DNAJC6: variants seen among roughly 807,000 people sequenced by gnomAD.
DNAJC6 encodes the protein DnaJ heat shock protein family (Hsp40) member C6, also known as auxilin.
A neutral mutation model predicts 110.0 loss-of-function variants in DNAJC6; 34 were observed. The ratio of observed to expected loss-of-function variants is 0.31; its 90% CI spans 0.24 to 0.41. The LOEUF is 0.41. Among genes scored for constraint, DNAJC6 ranks in the 10% least tolerant of loss-of-function variants. The pLI is 1.00. For synonymous variants in DNAJC6, 406 were observed against 437.2 expected (o/e 0.93, Z 0.89); for missense variants, 1,031 against 1,207.8 (o/e 0.85, Z 2.17).
At chr1:65,366,350 A>G (rs1557544420) in intron 4 of DNAJC6, among the ~76,000 whole-genome samples, 154 bp downstream of exon 4, 2 of 152,220 alleles carry the variant, frequency 1.3e-5, no homozygotes, top group Non-Finnish European at 2.9e-5. Context: ...TTAGGCTGCT[A>G]TGAGATATCC....
At chr1:65,323,595 GTTTTC>G (rs994082597) in intron 1 of DNAJC6, among the ~76,000 whole-genome samples, 4 of 152,082 alleles carry the variant, frequency 2.6e-5, no homozygotes, top group African/African-American at 9.6e-5. Flanking sequence ...TCCTTCCTTT[GTTTTC>G]TTTTCTTTTT....
intron 15 of DNAJC6, 100 bp from the exon 16 acceptor site, chr1:65,405,770 A>G (rs1029330901): frequency 5.1e-6 from 7 of 1,361,646 alleles, no homozygotes; most frequent in Non-Finnish European, 7.0e-6. Context: ...CTGTCAGTCA[A>G]GGGAATGACT....
At chr1:65,268,113 A>G (rs897876808) in intron 1 of DNAJC6, among the ~76,000 whole-genome samples, 3 of 152,352 alleles carry the variant, frequency 2.0e-5, no homozygotes, top group African/African-American at 4.8e-5. Flanking sequence ...AGGTAAAATT[A>G]TAAGAGGTTG....
At position 65,295,404 on chromosome 1, in the gene DNAJC6, G is replaced by T. The variant is rs113656463; in HGVS notation, c.-131+30472G>T. Among the ~76,000 whole-genome samples, 583 of 152,188 alleles carry T rather than the reference G, an allele frequency of 3.8e-3. 1 individual carries two copies. Among genetic ancestry groups the T allele is most frequent in the African/African-American group, 0.013 (553 of 41,500 alleles). On this transcript the variant is annotated intron_variant, in intron 1 of 19. Transcript: ENST00000263441. Reference sequence around the variant, plus strand: ...TCTAGGGAAGGATAGACTCAGACTTGCTCTTTCTGGTTTTAAATGGAAAAG... The same window carrying T: ...TCTAGGGAAGGATAGACTCAGACTTTCTCTTTCTGGTTTTAAATGGAAAAG...
In DNAJC6 at chr1:65,384,098, C is replaced by T. The variant is rs1232732153; in HGVS notation, c.667-95C>T. On this transcript the variant is annotated intron_variant, in intron 5 of 18. Coordinates refer to ENST00000371069, the MANE Select transcript of DNAJC6 (RefSeq NM_001256864.2). ...GCACCCACAGTTAAGAGGATTTCTC[C>T]TCTCTCTGTCTCTTAATTGCAAATT... 2.6e-5 allele frequency: 34 copies of T among 1,309,982 alleles called. 1 individual carries two copies. The highest frequency in any genetic ancestry group is 3.4e-5 in the Non-Finnish European group (34 of 1,012,910). 81.1% of individuals were successfully genotyped at this position (1,309,982 alleles called of 1,614,324 possible).
intron 1 of DNAJC6, among the ~76,000 whole-genome samples, chr1:65,287,072 A>G (rs1457165399): frequency 2.0e-5 from 3 of 152,236 alleles, no homozygotes; most frequent in African/African-American, 4.8e-5. Flanking sequence ...ACTGACCCAT[A>G]TGAAAATGCC....
chr1:65,313,445 A>G (rs1005022107), intron 1 of DNAJC6, among the ~76,000 whole-genome samples: 12 of 152,194 alleles, frequency 7.9e-5, no homozygotes, highest in African/African-American at 2.4e-4. Flanking sequence ...ATATAAAAAT[A>G]CATTTGCAGT....
intron 1 of DNAJC6, among the ~76,000 whole-genome samples, chr1:65,315,855 A>T (rs1489380014): frequency 1.3e-5 from 2 of 152,172 alleles, no homozygotes; most frequent in African/African-American, 4.8e-5. Context: ...TTTAGTGGTG[A>T]ATTTTTTTAT....
intron 4 of DNAJC6, among the ~76,000 whole-genome samples, chr1:65,373,417 C>T (rs550234110): frequency 6.6e-6 from 1 of 152,234 alleles, no homozygotes; most frequent in South Asian, 2.1e-4. Flanking sequence ...TAAGAGTTCC[C>T]TTTTCTCACA....
chr1:65,338,483 G>A (rs1645358793), intron 1 of DNAJC6, among the ~76,000 whole-genome samples: 1 of 152,042 alleles, frequency 6.6e-6, no homozygotes, highest in African/African-American at 2.4e-5. Flanking sequence ...ACTAAGCTGG[G>A]TTGGTTTGGC....
At chr1:65,341,403 G>A (rs1208672670) in intron 1 of DNAJC6, among the ~76,000 whole-genome samples, 1 of 152,126 alleles carries the variant, frequency 6.6e-6, no homozygotes, top group Non-Finnish European at 1.5e-5. Context: ...ATGGTTATTA[G>A]TGCCTGTCTT....
intron 1 of DNAJC6, among the ~76,000 whole-genome samples, chr1:65,267,352 G>C (rs1332137615): frequency 6.6e-6 from 1 of 152,182 alleles, no homozygotes; most frequent in Non-Finnish European, 1.5e-5. Flanking sequence ...AAAATGGAGA[G>C]CTATTAGACT....
In DNAJC6 at chr1:65,318,590, A is replaced by G. The variant is rs529274080; in HGVS notation, c.193+8652A>G. ...AGCTGGAAGCTGTTATCCTCAGCAAACTAATGCAGGAACAGAAAACCAAAC... is the reference window on the plus strand; with the variant it reads ...AGCTGGAAGCTGTTATCCTCAGCAAGCTAATGCAGGAACAGAAAACCAAAC... On this transcript the variant is annotated intron_variant, in intron 1 of 18. Transcript: ENST00000371069. 6.2e-4 allele frequency among the ~76,000 whole-genome samples: 95 copies of G among 152,334 alleles called. 1 individual carries two copies. The highest frequency in any genetic ancestry group is 3.4e-3 in the Middle Eastern group (1 of 294).
At chr1:65,374,021 C>T (rs1645735152) in intron 4 of DNAJC6, among the ~76,000 whole-genome samples, 1 of 152,132 alleles carries the variant, frequency 6.6e-6, no homozygotes, top group African/African-American at 2.4e-5. Context: ...TTTCCCAGCA[C>T]CATCTATGGA....
Position 65,366,061 on chromosome 1 carries a change from T to A in DNAJC6, c.408T>A (p.Pro136=). 6.2e-7 allele frequency: 1 copy of A among 1,613,868 alleles called. No homozygotes were observed. Among genetic ancestry groups the A allele is most frequent in the Non-Finnish European group, 8.5e-7 (1 of 1,179,800 alleles). Residue 136 remains proline, a synonymous_variant, in exon 4 of 19, where the codon CCT becomes CCA. Coordinates refer to ENST00000371069, the MANE Select transcript of DNAJC6 (RefSeq NM_001256864.2). ...TCTCTCTCCTAGTGATGTCCTTTCCTCTGGACAATGTTGACATAGGATTCA... is the reference window on the plus strand; with the variant it reads ...TCTCTCTCCTAGTGATGTCCTTTCCACTGGACAATGTTGACATAGGATTCA... ...VTSRIIVMSF[P]LDNVDIGFRN...
intron 1 of DNAJC6, among the ~76,000 whole-genome samples, chr1:65,336,031 A>C (rs1645332664): frequency 6.6e-6 from 1 of 152,162 alleles, no homozygotes; most frequent in Admixed American, 6.5e-5. Flanking sequence ...GTAATATAAA[A>C]ATATTATATA....
intron 13 of DNAJC6, among the ~76,000 whole-genome samples, chr1:65,397,816 T>G (rs1645993750): frequency 1.3e-5 from 2 of 152,164 alleles, no homozygotes; most frequent in Admixed American, 6.5e-5. Flanking sequence ...CCTTTTTAAC[T>G]TAATGATGGG....
At chr1:65,268,386 G>A (rs1282936007) in intron 1 of DNAJC6, among the ~76,000 whole-genome samples, 2 of 152,182 alleles carry the variant, frequency 1.3e-5, no homozygotes, top group Non-Finnish European at 2.9e-5. Flanking sequence ...AAAGAAAATA[G>A]TTGAGTGAGT....
chr1:65,280,872 A>C (rs1333976755), intron 1 of DNAJC6, among the ~76,000 whole-genome samples: 1 of 152,044 alleles, frequency 6.6e-6, no homozygotes, highest in Non-Finnish European at 1.5e-5. Context: ...ATGTTTTTTC[A>C]TATTAGGTAG....
Sources: allele counts gnomAD v4.1 joint callset (sites outside exome capture counted in the v4.1 genomes callset), GRCh38; gene constraint gnomAD v4.1.1; transcripts MANE v1.5; gene names NCBI Gene and HGNC (gene_info 2026-07-23, HGNC 2026-07-21).